The following CES5A variants were observed in gnomAD, a reference collection of about 807,000 sequenced individuals.
CES5A encodes carboxylesterase 5.
In CES5A, 67 loss-of-function variants were observed where a neutral mutation model predicts 62.9. The observed-to-expected ratio is 1.07, with a 90% confidence interval of 0.88 to 1.31. The LOEUF (loss-of-function observed/expected upper bound fraction) is 1.31. CES5A is among the 50% of genes most tolerant of loss of function. The pLI is 0.00. For missense variants in CES5A, 748 were observed against 708.5 expected, an observed-to-expected ratio of 1.06 and a Z score of -0.63; for synonymous variants, 296 against 280.8, an observed-to-expected ratio of 1.05 and a Z score of -0.54.
At chr16:55,859,470 T>C in intron 8 of CES5A, 77 bp downstream of exon 8, 1 of 1,435,018 alleles carries the variant, frequency 7.0e-7, no homozygotes, top group South Asian at 1.3e-5. Context: ...ATGTCTTCTG[T>C]GGAAATGCCC....
Position 55,869,742 on chromosome 16 carries a change from G to A in CES5A, c.420C>T (p.Val140=), listed in dbSNP as rs1206387297. Residue 140 remains valine (V), a splice_region_variant and synonymous_variant, in exon 4 of 13, where the codon GTC becomes GTT. Coordinates refer to ENST00000290567, the MANE Select transcript of CES5A (RefSeq NM_001143685.2). ...AGGCACCTCCTGGGAACCACACCAA[G>A]ACCTGAGGAGGGGAGAAGAGCATCC... The part of the protein sequence containing the change: ...AHADTGSKLP[V]LVWFPGGAFK... 1.2e-6 allele frequency: 2 copies of A among 1,600,518 alleles called. No homozygotes were observed. The highest frequency in any genetic ancestry group is 2.2e-5 in the East Asian group (1 of 44,492).
At chr16:55,946,374 G>GGCACAAAATGGGGCA (rs1181187651) in intron 2 of CES5A, among the ~76,000 whole-genome samples, 5 of 152,130 alleles carry the variant, frequency 3.3e-5, no homozygotes, top group African/African-American at 1.2e-4. Context: ...AAATGGGAAA[G>GGCACAAAATGGGGCA]AAGCTGCAAG....
intron 1 of CES5A, among the ~76,000 whole-genome samples, chr16:55,887,725 C>T (rs2033831427): frequency 6.6e-6 from 1 of 152,174 alleles, no homozygotes; most frequent in Admixed American, 6.5e-5. Flanking sequence ...CGGTAAAAGA[C>T]ATTGTCATGG....
At chr16:55,940,218 A>C (rs2034432182) in intron 2 of CES5A, among the ~76,000 whole-genome samples, 1 of 152,134 alleles carries the variant, frequency 6.6e-6, no homozygotes, top group Non-Finnish European at 1.5e-5. Flanking sequence ...ATTGAACCTG[A>C]AAGGCTATGG....
At chr16:55,930,729 A>G (rs1458758333) in intron 2 of CES5A, among the ~76,000 whole-genome samples, 2 of 152,110 alleles carry the variant, frequency 1.3e-5, no homozygotes, top group Non-Finnish European at 1.5e-5. Context: ...TGTTTGTGTG[A>G]TTTTTTAAAA....
At chr16:55,846,703 A>G (rs1408936471) in intron 12 of CES5A, 21 bp from the exon 13 acceptor site, 1 of 1,613,404 alleles carries the variant, frequency 6.2e-7, no homozygotes, top group African/African-American at 1.3e-5. Flanking sequence ...GAGCAGAAAC[A>G]GGGGTGAGAT....
chr16:55,888,592 T>C (rs2033840748), intron 1 of CES5A, among the ~76,000 whole-genome samples: 1 of 152,236 alleles, frequency 6.6e-6, no homozygotes, highest in South Asian at 2.1e-4. Flanking sequence ...GATTGTCTGC[T>C]AAATAAACTA....
At chr16:55,871,544 C>T (rs1002337821) in intron 3 of CES5A, 81 bp downstream of exon 3, 32 of 1,521,994 alleles carry the variant, frequency 2.1e-5, no homozygotes, top group Middle Eastern at 2.3e-4. Flanking sequence ...AGTTCCAATT[C>T]CAGACATGTA....
intron 1 of CES5A, among the ~76,000 whole-genome samples, chr16:55,923,297 C>T (rs1213439139): frequency 6.6e-6 from 1 of 151,010 alleles, no homozygotes; most frequent in Admixed American, 6.6e-5. Context: ...AAAAGAGAGA[C>T]AACTCACATA....
intron 11 of CES5A, among the ~76,000 whole-genome samples, chr16:55,848,216 C>T (rs2142379798): frequency 6.6e-6 from 1 of 152,272 alleles, no homozygotes; most frequent in East Asian, 1.9e-4. Context: ...GTGATCCTCC[C>T]ACCTCAGCCT....
intron 1 of CES5A, among the ~76,000 whole-genome samples, chr16:55,881,749 G>T (rs1488933291): frequency 6.6e-6 from 1 of 152,186 alleles, no homozygotes; most frequent in Non-Finnish European, 1.5e-5. Flanking sequence ...AGGCAGTAAA[G>T]AATTTGCTAG....
chr16:55,926,596 T>A (rs2034259521), upstream of CES5A, among the ~76,000 whole-genome samples: 1 of 152,154 alleles, frequency 6.6e-6, no homozygotes, highest in Admixed American at 6.5e-5. Flanking sequence ...AACTTTAAGG[T>A]GAATGCCTAA....
chr16:55,853,090 C>T, intron 9 of CES5A, 62 bp from the exon 10 acceptor site: 1 of 1,544,400 alleles, frequency 6.5e-7, no homozygotes. Flanking sequence ...ACGTTAAACA[C>T]TCACCTGTGC....
At chr16:55,955,829 G>T (rs117047992) in intron 1 of CES5A, 2 of 1,535,760 alleles carry the variant, frequency 1.3e-6, no homozygotes, top group East Asian at 4.9e-5. Context: ...GTAGCACCCT[G>T]TGGCTAATAC....
chr16:55,949,486 A>G (rs1269126071), intron 2 of CES5A, among the ~76,000 whole-genome samples: 1 of 152,232 alleles, frequency 6.6e-6, no homozygotes, highest in Non-Finnish European at 1.5e-5. Context: ...TAGGTGGCAC[A>G]TCACAATGCC....
At chr16:55,889,866 A>G (rs916756453) in intron 1 of CES5A, among the ~76,000 whole-genome samples, 25 of 152,140 alleles carry the variant, frequency 1.6e-4, no homozygotes, top group African/African-American at 6.0e-4. Flanking sequence ...TTATTGCTCT[A>G]AGTATTTAAG....
At chr16:55,938,799 C>CACATATATATATATATATATATATATAT (rs2034413696) in intron 2 of CES5A, among the ~76,000 whole-genome samples, 2 of 42,018 alleles carry the variant, frequency 4.8e-5, no homozygotes, top group Non-Finnish European at 8.7e-5. Context: ...TATATATATA[C>CACATATATATATATATATATATATATAT]ACACATATAT....
intron 2 of CES5A, among the ~76,000 whole-genome samples, chr16:55,948,468 AG>A (rs1356958371): frequency 6.6e-6 from 1 of 152,134 alleles, no homozygotes; most frequent in Non-Finnish European, 1.5e-5. Context: ...AGGCGGTGGA[AG>A]GGGGGTAAAA....
Position 55,846,609 on chromosome 16 carries a change from T to A in CES5A, c.1570A>T (p.Asn524Tyr), listed in dbSNP as rs544237697. 1 of 1,614,116 alleles carries A rather than the reference T, an allele frequency of 6.2e-7. No homozygotes were observed. The highest frequency in any genetic ancestry group is 8.5e-7 in the Non-Finnish European group (1 of 1,180,006). The change falls in exon 13 of 13, where the codon AAC (asparagine) becomes TAC (tyrosine). Residue 524 changes from asparagine (N) to tyrosine (Y), a missense_variant. Transcript: ENST00000290567. ...LTEQYLQLDL[N>Y]MSLGQRLKEP... ...TTGAGTCTCTGTCCGAGGCTCATGT[T>A]CAAGTCCAGCTGGAGGTACTGCTCA...
Sources: gnomAD v4.1 joint callset for allele counts (sites outside exome capture counted in the v4.1 genomes callset) on GRCh38, gnomAD v4.1.1 for gene constraint, MANE v1.5 for transcripts, NCBI Gene and HGNC (gene_info 2026-07-23, HGNC 2026-07-21) for gene names.